IPCEF1: variants seen among roughly 807,000 people sequenced by gnomAD.
IPCEF1 encodes interaction protein for cytohesin exchange factors 1.
Under a neutral mutation model 50.9 loss-of-function variants are expected in IPCEF1, and 31 were observed. That is an observed-to-expected ratio of 0.61 (90% CI 0.46 to 0.82). IPCEF1 has a LOEUF of 0.82. Among genes scored for constraint, IPCEF1 ranks in the 40% least tolerant of loss-of-function variants. IPCEF1 has a pLI of 0.00. For missense variants in IPCEF1, 458 were observed against 514.0 expected, an observed-to-expected ratio of 0.89 and a Z score of 1.05; for synonymous variants, 181 against 192.0, an observed-to-expected ratio of 0.94 and a Z score of 0.47.
rs1328158996 is a variant in IPCEF1 at position 154,223,119 on chromosome 6, A to C, written c.320+51T>G. The C allele has an allele frequency of 3.7e-6, 5 of 1,348,172 alleles. No individual in the cohort carries two copies. The East Asian group carries it at 9.2e-5, about 25-fold the overall frequency. 83.5% of individuals were successfully genotyped at this position (1,348,172 alleles called of 1,614,324 possible). A position where few individuals can be genotyped will look rare whatever the true frequency, so the allele number is the denominator to read the frequency against. On this transcript the variant is annotated intron_variant, in intron 6 of 11. Transcript: ENST00000367220. Reference sequence around the variant, plus strand: ...ACCATATCCCTTGGTGAACATTATGAAGAGATAGTATCCTGGCTCAGAGTT... The same window carrying C: ...ACCATATCCCTTGGTGAACATTATGCAGAGATAGTATCCTGGCTCAGAGTT...
At chr6:154,183,484 T>G (rs535782383) in intron 10 of IPCEF1, among the ~76,000 whole-genome samples, 5 of 152,310 alleles carry the variant, frequency 3.3e-5, no homozygotes, top group Admixed American at 1.3e-4. Flanking sequence ...ATATTCTAAA[T>G]AAAACCTGAA....
chr6:154,242,255 C>A (rs926452687), intron 5 of IPCEF1, among the ~76,000 whole-genome samples: 1 of 152,082 alleles, frequency 6.6e-6, no homozygotes, highest in Admixed American at 6.5e-5. Flanking sequence ...CTAATCGGAA[C>A]CTTGGGGCCT....
chr6:154,202,965 T>C (rs1400196389), intron 9 of IPCEF1, among the ~76,000 whole-genome samples: 2 of 151,932 alleles, frequency 1.3e-5, no homozygotes, highest in African/African-American at 2.4e-5. Flanking sequence ...GGAAAAGAGA[T>C]TGATAAAATA....
At chr6:154,215,509 G>A (rs954161304) in intron 7 of IPCEF1, among the ~76,000 whole-genome samples, 1 of 152,090 alleles carries the variant, frequency 6.6e-6, no homozygotes, top group South Asian at 2.1e-4. Context: ...GGGAGTCTGA[G>A]GCAGGAGAAT....
chr6:154,186,713 C>T (rs185676431), intron 10 of IPCEF1, among the ~76,000 whole-genome samples: 2,237 of 152,132 alleles, frequency 0.015, 67 homozygotes, highest in African/African-American at 0.051. Flanking sequence ...CCCGCCATCA[C>T]GCCTGGCTAA....
intron 1 of IPCEF1, among the ~76,000 whole-genome samples, chr6:154,324,430 T>C (rs1783469455): frequency 6.6e-6 from 1 of 151,740 alleles, no homozygotes; most frequent in Non-Finnish European, 1.5e-5. Context: ...AATAAATACA[T>C]AAATAATAAA....
intron 1 of IPCEF1, among the ~76,000 whole-genome samples, chr6:154,311,644 T>C (rs1783079814): frequency 6.6e-6 from 1 of 152,188 alleles, no homozygotes; most frequent in African/African-American, 2.4e-5. Context: ...GAATAGATAG[T>C]TCCCAAAAGA....
At chr6:154,255,542 G>A (rs1294963999) in intron 3 of IPCEF1, among the ~76,000 whole-genome samples, 1 of 152,148 alleles carries the variant, frequency 6.6e-6, no homozygotes, top group South Asian at 2.1e-4. Flanking sequence ...AATCCTCTGA[G>A]TGAAGCTTTA....
At chr6:154,334,438 CTA>C (rs1392587613) in intron 1 of IPCEF1, among the ~76,000 whole-genome samples, 6 of 151,780 alleles carry the variant, frequency 4.0e-5, no homozygotes, top group Non-Finnish European at 7.4e-5. Context: ...ATCTATGACT[CTA>C]TAAAGAAAGC....
At chr6:154,355,477 C>G (rs1158520704) in intron 1 of IPCEF1, among the ~76,000 whole-genome samples, 1 of 149,358 alleles carries the variant, frequency 6.7e-6, no homozygotes, top group African/African-American at 2.4e-5. Flanking sequence ...ATTTCTGTTT[C>G]TTTTCTTTCT....
chr6:154,321,871 G>A (rs1402457864), intron 1 of IPCEF1, among the ~76,000 whole-genome samples: 1 of 149,330 alleles, frequency 6.7e-6, no homozygotes, highest in East Asian at 1.9e-4. Context: ...CTTTTCATGA[G>A]GACAATGGAA....
intron 3 of IPCEF1, among the ~76,000 whole-genome samples, chr6:154,257,078 C>T (rs1781479888): frequency 1.3e-5 from 2 of 152,170 alleles, no homozygotes; most frequent in African/African-American, 4.8e-5. Flanking sequence ...CAGGATGTAA[C>T]CCCATGGTAA....
intron 9 of IPCEF1, among the ~76,000 whole-genome samples, chr6:154,205,756 G>A (rs995992926): frequency 2.6e-5 from 4 of 152,146 alleles, no homozygotes; most frequent in African/African-American, 9.7e-5. Flanking sequence ...AGGACAAGGT[G>A]CACATTTTCC....
chr6:154,206,397 G>A (rs1161117994), intron 9 of IPCEF1, among the ~76,000 whole-genome samples: 1 of 152,194 alleles, frequency 6.6e-6, no homozygotes, highest in Admixed American at 6.5e-5. Context: ...ATTTGCGGGG[G>A]TTGTGGATGA....
At chr6:154,228,220 C>T (rs187336337) in intron 5 of IPCEF1, among the ~76,000 whole-genome samples, 6 of 152,002 alleles carry the variant, frequency 3.9e-5, no homozygotes, top group Non-Finnish European at 4.4e-5. Context: ...AATCCCAGCG[C>T]TTTGGGAGGC....
intron 10 of IPCEF1, among the ~76,000 whole-genome samples, chr6:154,189,535 C>T (rs903953861): frequency 7.2e-5 from 11 of 152,104 alleles, no homozygotes; most frequent in Admixed American, 3.9e-4. Flanking sequence ...TAGCAAATAA[C>T]AATGTAGTAT....
chr6:154,202,040 T>C (rs1279734104), intron 9 of IPCEF1, among the ~76,000 whole-genome samples: 1 of 152,190 alleles, frequency 6.6e-6, no homozygotes, highest in Non-Finnish European at 1.5e-5. Context: ...TCCAAATCAA[T>C]ATGGTCCCCA....
At chr6:154,331,082 C>T (rs977780593) in intron 1 of IPCEF1, among the ~76,000 whole-genome samples, 2 of 151,948 alleles carry the variant, frequency 1.3e-5, no homozygotes, top group African/African-American at 2.4e-5. Flanking sequence ...GGCTGGCCAA[C>T]GTGGCAAAAC....
chr6:154,248,595 T>C (rs1186025478), intron 3 of IPCEF1, among the ~76,000 whole-genome samples: 2 of 152,128 alleles, frequency 1.3e-5, no homozygotes, highest in African/African-American at 2.4e-5. Flanking sequence ...CTATTGTATA[T>C]GGTTCTACTG....
Sources: gnomAD v4.1 joint callset for allele counts (sites outside exome capture counted in the v4.1 genomes callset) on GRCh38, gnomAD v4.1.1 for gene constraint, MANE v1.5 for transcripts, NCBI Gene and HGNC (gene_info 2026-07-23, HGNC 2026-07-21) for gene names.